NADK2: variants seen among roughly 807,000 people sequenced by gnomAD.
NADK2 encodes NAD kinase domain-containing protein 1, mitochondrial.
In NADK2, 35 loss-of-function variants were observed where a neutral mutation model predicts 62.1. That is an observed-to-expected ratio of 0.56 (90% CI 0.43 to 0.75). The LOEUF (loss-of-function observed/expected upper bound fraction) is 0.75, where lower values mean the gene tolerates loss of function less well. NADK2 is among the 30% of genes least tolerant of loss of function. The pLI, the probability that NADK2 is intolerant of heterozygous loss-of-function variation, is 0.00. For synonymous variants in NADK2, 205 were observed against 207.9 expected, an observed-to-expected ratio of 0.99 and a Z score of 0.12; for missense variants, 439 against 561.3, an observed-to-expected ratio of 0.78 and a Z score of 2.20.
chr5:36,213,600 A>T (rs1339181325), intron 6 of NADK2, among the ~76,000 whole-genome samples: 1 of 31,280 alleles, frequency 3.2e-5, no homozygotes, highest in Non-Finnish European at 1.5e-4. Context: ...CCTTGATACA[A>T]AAAGCTATAT....
At chr5:36,225,467 A>T (rs1335214306) in intron 4 of NADK2, 75 bp downstream of exon 4, 2 of 1,093,632 alleles carry the variant, frequency 1.8e-6, no homozygotes, top group Middle Eastern at 2.0e-4. Flanking sequence ...GCAGAAATGC[A>T]TGTATGTATA....
At chr5:36,234,372 C>CAAAAAA (rs10551356) in intron 1 of NADK2, among the ~76,000 whole-genome samples, 3 of 77,220 alleles carry the variant, frequency 3.9e-5, no homozygotes, top group African/African-American at 5.2e-5. Flanking sequence ...AACTCCGTCT[C>CAAAAAA]AAAAAAAAAA....
intron 7 of NADK2, among the ~76,000 whole-genome samples, chr5:36,211,283 A>G (rs1165680366): frequency 6.6e-6 from 1 of 152,214 alleles, no homozygotes; most frequent in Non-Finnish European, 1.5e-5. Flanking sequence ...TTGGGAACTG[A>G]TAAATGTCCA....
In NADK2 at chr5:36,225,524, G is replaced by T; in HGVS notation, c.560+18C>A. On this transcript the variant is annotated intron_variant, in intron 4 of 11. Transcript: ENST00000381937. ...GCACACCACACAAATCAAACAAAAT[G>T]TATACGTTCTTTCTTACCGTTCTGG... 1.2e-6 allele frequency: 2 copies of T among 1,600,534 alleles called. No homozygotes were observed. The highest frequency in any genetic ancestry group is 1.7e-6 in the Non-Finnish European group (2 of 1,172,054).
intron 10 of NADK2, among the ~76,000 whole-genome samples, chr5:36,199,348 T>C (rs1464883004): frequency 1.3e-5 from 2 of 152,060 alleles, no homozygotes; most frequent in African/African-American, 4.8e-5. Flanking sequence ...TTGGTGTCTA[T>C]ATATTTTTTG....
chr5:36,216,077 T>C (rs1747031485), intron 6 of NADK2, among the ~76,000 whole-genome samples: 1 of 152,174 alleles, frequency 6.6e-6, no homozygotes, highest in Non-Finnish European at 1.5e-5. Context: ...AGTTCCCTTT[T>C]CTCTACATCC....
At chr5:36,234,347 T>G (rs1353350626) in intron 1 of NADK2, among the ~76,000 whole-genome samples, 1 of 119,470 alleles carries the variant, frequency 8.4e-6, no homozygotes, top group African/African-American at 3.4e-5. Flanking sequence ...CACTCCAGCC[T>G]GGGCGACAGA....
intron 7 of NADK2, among the ~76,000 whole-genome samples, chr5:36,207,562 T>C (rs990405379): frequency 2.0e-5 from 3 of 152,138 alleles, no homozygotes; most frequent in African/African-American, 7.2e-5. Context: ...ATTGTGCTTT[T>C]GCTCTTATGG....
At chr5:36,207,945 C>G (rs139435663) in intron 7 of NADK2, among the ~76,000 whole-genome samples, 1 of 152,042 alleles carries the variant, frequency 6.6e-6, no homozygotes, top group African/African-American at 2.4e-5. Flanking sequence ...TTCTTTAACT[C>G]CATGAACACA....
In NADK2 at chr5:36,241,901, C is replaced by T. The variant is rs1005785102; in HGVS notation, c.-103G>A. 7 of 963,118 alleles carry T rather than the reference C, an allele frequency of 7.3e-6. No individual in the cohort carries two copies. The highest frequency in any genetic ancestry group is 7.6e-6 in the Non-Finnish European group (6 of 790,908). The allele number at this position is 963,118 out of a possible 1,614,324, so 59.7% of individuals were successfully genotyped here. Reference sequence around the variant, plus strand: ...CGCGCCGCCCGGGCCTCTAACTTCGCGCCGGACGGGCAGAGGTTAAGTGCC... The same window carrying T: ...CGCGCCGCCCGGGCCTCTAACTTCGTGCCGGACGGGCAGAGGTTAAGTGCC... On this transcript the variant is annotated 5_prime_UTR_variant, in exon 1 of 12. Coordinates refer to ENST00000381937, the MANE Select transcript of NADK2 (RefSeq NM_001085411.3). This position sits in a 1 kb window ranked among gnomAD's most constrained non-coding sequence, Gnocchi z 4.9.
rs1746165378 is a variant in NADK2, at chr5:36,194,743, T to C, written c.*401A>G. ...TTCAGGTACTATAAAAAATATGCAC[T>C]AATCAAATGATATGTGTTCAGTTCT... On this transcript the variant is annotated 3_prime_UTR_variant, in exon 12 of 12. Coordinates refer to ENST00000381937, the MANE Select transcript of NADK2 (RefSeq NM_001085411.3). 6.5e-6 allele frequency: 1 copy of C among 154,022 alleles called. No homozygotes were observed. The highest frequency in any genetic ancestry group is 2.1e-4 in the South Asian group (1 of 4,848). 9.5% of individuals were successfully genotyped at this position (154,022 alleles called of 1,614,324 possible).
chr5:36,207,377 T>C, intron 7 of NADK2, 112 bp from the exon 8 acceptor site: 1 of 717,414 alleles, frequency 1.4e-6, no homozygotes, highest in Non-Finnish European at 2.3e-6. Context: ...CAAGAAATAC[T>C]TGACTTAGTA....
At chr5:36,216,280 T>G (rs963722102) in intron 6 of NADK2, among the ~76,000 whole-genome samples, 1 of 148,702 alleles carries the variant, frequency 6.7e-6, no homozygotes. Context: ...TTAATGAGAT[T>G]ATTTGTTTGT....
Position 36,209,861 on chromosome 5 carries a change from G to A in NADK2, c.860+1983C>T, listed in dbSNP as rs1353763789. On this transcript the variant is annotated intron_variant, in intron 7 of 11. Coordinates refer to ENST00000381937, the MANE Select transcript of NADK2 (RefSeq NM_001085411.3). ...ATATTACACATAGCACATGCATGAG[G>A]TATTTTTGTTAAATATTACATAAAC... Among the ~76,000 whole-genome samples the A allele has an allele frequency of 3.3e-5, 5 of 152,196 alleles. No homozygotes were observed. The South Asian group carries it at 8.3e-4, about 25-fold the overall frequency.
intron 8 of NADK2, among the ~76,000 whole-genome samples, chr5:36,203,293 TAAAAAC>T: frequency 1.3e-5 from 2 of 152,200 alleles, no homozygotes; most frequent in African/African-American, 4.8e-5. Context: ...AGTAGTATGA[TAAAAAC>T]AAAAATTATT....
chr5:36,219,528 T>A (rs1021422980), intron 5 of NADK2, 68 bp downstream of exon 5: 1 of 1,402,114 alleles, frequency 7.1e-7, no homozygotes, highest in African/African-American at 1.4e-5. Flanking sequence ...TTCTGTTTTT[T>A]AACAGCATTA....
chr5:36,208,816 T>G, intron 7 of NADK2: 1 of 666,102 alleles, frequency 1.5e-6, no homozygotes, highest in Non-Finnish European at 2.5e-6. Flanking sequence ...GCAAGGCACT[T>G]AAGTTTTCAG....
Position 36,208,046 on chromosome 5 carries a change from C to A in NADK2, c.861-781G>T, listed in dbSNP as rs1746704173. ...TTAAAATAATGGTGTCACTGATCAA[C>A]ACTGAATTTTTTTCTCCAGCAAATA... On this transcript the variant is annotated intron_variant, in intron 7 of 11. Coordinates refer to ENST00000381937, the MANE Select transcript of NADK2 (RefSeq NM_001085411.3). 1.3e-5 allele frequency among the ~76,000 whole-genome samples: 2 copies of A among 152,032 alleles called. 1 individual carries two copies. The highest frequency in any genetic ancestry group is 4.1e-4 in the South Asian group (2 of 4,820).
In NADK2 at chr5:36,193,474, C is replaced by CAAAAAAAAA; in HGVS notation, c.*1661_*1669dup. On this transcript the variant is annotated 3_prime_UTR_variant, in exon 12 of 12. Transcript: ENST00000381937. ...GGGTGACAAAGCAAGACTCCGTTCT[C>CAAAAAAAAA]AAAAAAAAAAAAAAAAAAAAAGAAG... 1.7e-5 allele frequency: 1 copy of CAAAAAAAAA among 60,430 alleles called. No homozygotes were observed. Among genetic ancestry groups the CAAAAAAAAA allele is most frequent in the Non-Finnish European group, 3.4e-5 (1 of 29,654 alleles). The allele number at this position is 60,430 out of a possible 1,614,324, so 3.7% of individuals were successfully genotyped here. A position where few individuals can be genotyped will look rare whatever the true frequency, so the allele number is the denominator to read the frequency against.
Sources: allele counts gnomAD v4.1 joint callset (sites outside exome capture counted in the v4.1 genomes callset), GRCh38; gene constraint gnomAD v4.1.1; non-coding constraint Gnocchi (gnomAD v3.1); transcripts MANE v1.5; gene names NCBI Gene and HGNC (gene_info 2026-07-23, HGNC 2026-07-21).